HMGCL: variants seen among roughly 807,000 people sequenced by gnomAD.
HMGCL encodes 3-hydroxy-3-methylglutaryl-CoA lyase.
A neutral mutation model predicts 37.3 loss-of-function variants in HMGCL; 26 were observed. That is an observed-to-expected ratio of 0.70 (90% CI 0.51 to 0.97). The LOEUF (loss-of-function observed/expected upper bound fraction) is 0.97, where lower values mean the gene tolerates loss of function less well. Among genes scored for constraint, HMGCL ranks in the 50% least tolerant of loss-of-function variants. The probability of loss-of-function intolerance (pLI) is 0.00; values close to 1 mark genes in which losing one functional copy is unlikely to be tolerated. For missense variants in HMGCL, 379 were observed against 398.1 expected, an observed-to-expected ratio of 0.95 and a Z score of 0.41; for synonymous variants, 151 against 148.0, an observed-to-expected ratio of 1.02 and a Z score of -0.15.
intron 2 of HMGCL, among the ~76,000 whole-genome samples, chr1:23,819,853 C>G (rs1638681150): frequency 6.6e-6 from 1 of 152,216 alleles, no homozygotes; most frequent in Non-Finnish European, 1.5e-5. Flanking sequence ...CATGAGCCAC[C>G]ACCATGCCCA....
intron 2 of HMGCL, 84 bp from the exon 3 acceptor site, chr1:23,817,667 T>C (rs936403779): frequency 2.5e-5 from 21 of 838,106 alleles, no homozygotes; most frequent in Admixed American, 2.0e-4. Flanking sequence ...TCAAGTACTA[T>C]AGATAATTTT....
At chr1:23,823,339 C>T (rs1021237397) in intron 1 of HMGCL, among the ~76,000 whole-genome samples, 4 of 132,030 alleles carry the variant, frequency 3.0e-5, no homozygotes, top group African/African-American at 5.9e-5. Context: ...ATACAAGAGC[C>T]ATTTACATAT....
intron 1 of HMGCL, among the ~76,000 whole-genome samples, chr1:23,821,706 TAAGAA>T (rs997490181): frequency 1.3e-4 from 20 of 151,928 alleles, no homozygotes; most frequent in African/African-American, 4.1e-4. Flanking sequence ...GCTTTCCAAT[TAAGAA>T]AAGAAAAGAC....
intron 7 of HMGCL, chr1:23,807,246 G>A (rs781518514): frequency 1.9e-6 from 1 of 518,758 alleles, no homozygotes. Context: ...CGCATGAGCT[G>A]AAGGAAAGCC....
Position 23,817,443 on chromosome 1 carries a change from G to A in HMGCL, c.252+33C>T, listed in dbSNP as rs201736880. On this transcript the variant is annotated intron_variant, in intron 3 of 8. Coordinates refer to ENST00000374490, the MANE Select transcript of HMGCL (RefSeq NM_000191.3). ...GCAAATGCAAAACTTTTCATCCCTA[G>A]AGAAAGGCCTTTCATTGAGGGCTAG... 40 of 1,248,206 alleles carry A rather than the reference G, an allele frequency of 3.2e-5. No homozygotes were observed. The East Asian group carries it at 9.0e-4, about 28-fold the overall frequency. The allele number at this position is 1,248,206 out of a possible 1,614,324, so 77.3% of individuals were successfully genotyped here.
At chr1:23,817,605 C>G in intron 2 of HMGCL, 22 bp from the exon 3 acceptor site, 1 of 1,454,442 alleles carries the variant, frequency 6.9e-7, no homozygotes, top group Non-Finnish European at 9.7e-7. Context: ...AGAGAAACAC[C>G]AAGGCAGCAA....
In HMGCL at chr1:23,806,919, C is replaced by T. The variant is rs948841784; in HGVS notation, c.750+1216G>A. ...AGCTCCCAGAGGGCAGGGATTGGGT[C>T]TTGTTACCATTGTCTAAGTCAGCAC... is the stretch of plus-strand genomic sequence containing the variant. On this transcript the variant is annotated intron_variant, in intron 7 of 8. Transcript: ENST00000374490. This position sits in a 1 kb window ranked among gnomAD's most constrained non-coding sequence, Gnocchi z 4.0. The T allele has an allele frequency of 1.9e-6, 1 of 516,800 alleles. No homozygotes were observed. Among genetic ancestry groups the T allele is most frequent in the East Asian group, 5.5e-5 (1 of 18,332 alleles). 32.0% of individuals were successfully genotyped at this position (516,800 alleles called of 1,614,324 possible). A position where few individuals can be genotyped will look rare whatever the true frequency, so the allele number is the denominator to read the frequency against.
chr1:23,825,401 C>A lies in HMGCL; in HGVS notation c.15G>T (p.Arg5Ser). 1.9e-6 allele frequency: 3 copies of A among 1,560,254 alleles called. No individual in the cohort carries two copies. The highest frequency in any genetic ancestry group is 1.7e-6 in the Non-Finnish European group (2 of 1,152,646). Residue 5 changes from arginine to serine, a missense_variant, in exon 1 of 9, where the codon AGG (arginine) becomes AGT (serine). Physicochemically the swap from Arg to Ser is moderately radical, Grantham distance 110. Coordinates refer to ENST00000374490, the MANE Select transcript of HMGCL (RefSeq NM_000191.3). ...CCACCAGTCGCCGCGGAAGCGCCTTCCTCATTGCTGCCATCTTGGCCCAGA... is the reference window on the plus strand; with the variant it reads ...CCACCAGTCGCCGCGGAAGCGCCTTACTCATTGCTGCCATCTTGGCCCAGA... Reference protein sequence around the residue: MAAMRKALPRRLVGL... With the variant: MAAMSKALPRRLVGL...
At chr1:23,815,943 T>C (rs79191747) in intron 4 of HMGCL, among the ~76,000 whole-genome samples, 2 of 151,944 alleles carry the variant, frequency 1.3e-5, no homozygotes, top group African/African-American at 2.4e-5. Context: ...TTTTTTTTTT[T>C]CTTGCTGTGT....
At chr1:23,808,083 G>A in intron 7 of HMGCL, 52 bp downstream of exon 7, 1 of 1,492,138 alleles carries the variant, frequency 6.7e-7, no homozygotes, top group East Asian at 2.3e-5. Context: ...ATGATAACAA[G>A]CTGTCCTGCC....
intron 2 of HMGCL, among the ~76,000 whole-genome samples, chr1:23,819,984 C>T (rs1156260581): frequency 6.6e-6 from 1 of 152,116 alleles, no homozygotes; most frequent in African/African-American, 2.4e-5. Flanking sequence ...TTTCCTCATA[C>T]TAAATATTTA....
rs140647750 is a variant in HMGCL at position 23,804,366 on chromosome 1, G to A, written c.876+34C>T. 1.7e-4 allele frequency: 272 copies of A among 1,613,790 alleles called. 3 individuals carry two copies. In the East Asian group the frequency reaches 3.8e-3, roughly 23 times the overall value. On this transcript the variant is annotated intron_variant, in intron 8 of 8. Transcript: ENST00000374490. ...CAGCTTCAGGCCCCCTGGTCAGTTC[G>A]GGGCTGTCGCCACCAGGGGGTGGGT...
chr1:23,812,027 G>A (rs2148421260), intron 5 of HMGCL, among the ~76,000 whole-genome samples: 1 of 152,300 alleles, frequency 6.6e-6, no homozygotes, highest in Non-Finnish European at 1.5e-5. Context: ...AATGTTACTG[G>A]AGCACCTGCT....
intron 1 of HMGCL, among the ~76,000 whole-genome samples, chr1:23,823,414 G>A (rs559756882): frequency 2.6e-4 from 39 of 151,684 alleles, no homozygotes; most frequent in African/African-American, 7.5e-4. Flanking sequence ...GAGCAGTGGC[G>A]CGATCTTGGC....
intron 1 of HMGCL, among the ~76,000 whole-genome samples, chr1:23,823,573 G>C (rs1344102234): frequency 6.6e-6 from 1 of 151,904 alleles, no homozygotes; most frequent in African/African-American, 2.4e-5. Context: ...GGCTGGTCCC[G>C]AACTCCCGAC....
intron 1 of HMGCL, among the ~76,000 whole-genome samples, chr1:23,825,143 C>T (rs1030655994): frequency 6.6e-6 from 1 of 152,200 alleles, no homozygotes; most frequent in African/African-American, 2.4e-5. Context: ...ATGACCCAGA[C>T]AAGTCACTCC....
intron 5 of HMGCL, among the ~76,000 whole-genome samples, chr1:23,813,137 G>A (rs576667125): frequency 7.0e-4 from 105 of 150,476 alleles, no homozygotes; most frequent in Admixed American, 4.6e-4. Context: ...TGATCTGCCC[G>A]CCTCGGCCTC....
At position 23,803,241 on chromosome 1, in the gene HMGCL, C is replaced by T. The variant is rs199844537; in HGVS notation, c.877-677G>A. On this transcript the variant is annotated intron_variant, in intron 8 of 8. Coordinates refer to ENST00000374490, the MANE Select transcript of HMGCL (RefSeq NM_000191.3). ...TTTTTGAGAGGGAGTCTCACTGTGT[C>T]GCCAGGCTGGAGTACAGTGGCGTGA... 1.2e-4 allele frequency among the ~76,000 whole-genome samples: 18 copies of T among 150,372 alleles called. No homozygotes were observed. In the East Asian group the frequency reaches 2.9e-3, roughly 24 times the overall value.
rs79007547 is a variant in HMGCL, at chr1:23,825,050, A to G, written c.60+306T>C. ...AAGAGTTGGAGAGGTCTGAAGTTCA[A>G]TTAGAGGGAGAAAGGGGCCAGGGTC... On this transcript the variant is annotated intron_variant, in intron 1 of 8. Coordinates refer to ENST00000374490, the MANE Select transcript of HMGCL (RefSeq NM_000191.3). Among the ~76,000 whole-genome samples the G allele has an allele frequency of 2.4e-4, 37 of 152,340 alleles. No individual in the cohort carries two copies. The East Asian group carries it at 6.9e-3, about 29-fold the overall frequency.
Sources: allele counts gnomAD v4.1 joint callset (sites outside exome capture counted in the v4.1 genomes callset), GRCh38; gene constraint gnomAD v4.1.1; non-coding constraint Gnocchi (gnomAD v3.1); transcripts MANE v1.5; gene names NCBI Gene and HGNC (gene_info 2026-07-23, HGNC 2026-07-21).